The following DOCK2 variants were observed in gnomAD, a reference collection of about 807,000 sequenced individuals.
The protein encoded by DOCK2 is dedicator of cytokinesis 2.
In DOCK2, 87 loss-of-function variants were observed where a neutral mutation model predicts 248.9. That is an observed-to-expected ratio of 0.35 (90% CI 0.29 to 0.42). The LOEUF (loss-of-function observed/expected upper bound fraction) is 0.42. Ranked by LOEUF, DOCK2 falls within the 10% of genes least tolerant of loss-of-function variation. The pLI is 1.00. For missense variants in DOCK2, 1,747 were observed against 2,300.2 expected (o/e 0.76, Z 4.92); for synonymous variants, 805 against 821.6 (o/e 0.98, Z 0.35).
chr5:169,794,130 G>A (rs1322225251), intron 25 of DOCK2, among the ~76,000 whole-genome samples: 1 of 151,930 alleles, frequency 6.6e-6, no homozygotes, highest in Non-Finnish European at 1.5e-5. Context: ...CTTTTCCCGG[G>A]AACTGGAACC....
At chr5:169,645,497 T>G (rs183446184) in intron 1 of DOCK2, among the ~76,000 whole-genome samples, 73 of 152,362 alleles carry the variant, frequency 4.8e-4, no homozygotes, top group Non-Finnish European at 3.7e-4. Context: ...TTGTTTAAGT[T>G]TCTTATAGAT....
chr5:170,001,878 T>G lies in DOCK2; in HGVS notation c.3072+5714T>G, dbSNP rs1754845614. Among the ~76,000 whole-genome samples the G allele has an allele frequency of 3.3e-5, 5 of 152,346 alleles. No homozygotes were observed. In the South Asian group the frequency reaches 1.0e-3, roughly 32 times the overall value. The stretch of plus-strand genomic sequence containing the variant: ...GAATAATGGGTGAATCTACTTTGCT[T>G]GGATGAATGGAGAAGGCTTTTGCAA... On this transcript the variant is annotated intron_variant, in intron 30 of 51. Transcript: ENST00000520908.
intron 27 of DOCK2, among the ~76,000 whole-genome samples, chr5:169,937,387 T>C: frequency 6.6e-6 from 1 of 152,226 alleles, no homozygotes; most frequent in East Asian, 1.9e-4. Context: ...CCCACATCCC[T>C]GGCCTATGAT....
At chr5:169,724,429 C>T (rs564749371) in intron 22 of DOCK2, among the ~76,000 whole-genome samples, 17 of 152,284 alleles carry the variant, frequency 1.1e-4, no homozygotes, top group African/African-American at 3.6e-4. Flanking sequence ...CAGGTGAGCT[C>T]ACACTCCTTG....
intron 46 of DOCK2, among the ~76,000 whole-genome samples, chr5:170,071,066 C>G (rs1027900261): frequency 2.6e-5 from 4 of 152,192 alleles, no homozygotes; most frequent in Admixed American, 2.0e-4. Context: ...AACCCCCAAA[C>G]GAGGTTGACC....
At chr5:169,961,993 A>AAAAAAAAAAAAAAAAAAAAG (rs1777107880) in intron 27 of DOCK2, among the ~76,000 whole-genome samples, 1 of 150,408 alleles carries the variant, frequency 6.6e-6, no homozygotes, top group Non-Finnish European at 1.5e-5. Flanking sequence ...AAAAAAAAAA[A>AAAAAAAAAAAAAAAAAAAAG]AATGGAGAAA....
At chr5:170,073,803 C>A (rs1757754847) in intron 46 of DOCK2, among the ~76,000 whole-genome samples, 1 of 152,040 alleles carries the variant, frequency 6.6e-6, no homozygotes. Flanking sequence ...GTTTTTCAAT[C>A]CTAATATTGG....
chr5:170,041,527 G>A lies in DOCK2; in HGVS notation c.3756+382G>A, dbSNP rs149074665. 2.5e-3 allele frequency among the ~76,000 whole-genome samples: 388 copies of A among 152,300 alleles called. 2 individuals carry two copies. Among genetic ancestry groups the A allele is most frequent in the African/African-American group, 9.0e-3 (374 of 41,548 alleles). ...GGGAGAGCTGGGAGCATGTTTCTTA[G>A]GGGTTCAATGTAAATATCTACAAAC... On this transcript the variant is annotated intron_variant, in intron 37 of 51. Coordinates refer to ENST00000520908, the MANE Select transcript of DOCK2 (RefSeq NM_004946.3).
intron 25 of DOCK2, among the ~76,000 whole-genome samples, chr5:169,783,135 T>C (rs568485542): frequency 3.9e-4 from 59 of 152,346 alleles, no homozygotes; most frequent in African/African-American, 1.4e-3. Flanking sequence ...AGCCAGAGGA[T>C]GTTAAAGTCA....
chr5:170,032,044 T>TCCC (rs367862288), intron 34 of DOCK2, among the ~76,000 whole-genome samples: 3 of 148,278 alleles, frequency 2.0e-5, no homozygotes, highest in African/African-American at 7.5e-5. Context: ...TTTTTTTTTT[T>TCCC]GAGACGGAGT....
In DOCK2 at chr5:169,861,403, G is replaced by T. The variant is rs191327209; in HGVS notation, c.2799+20551G>T. ...ACATCAGTACATCGTCTTTAAGAAGGTGCTCTATAGATGAGCTGGTATTAA... is the reference window on the plus strand; with the variant it reads ...ACATCAGTACATCGTCTTTAAGAAGTTGCTCTATAGATGAGCTGGTATTAA... On this transcript the variant is annotated intron_variant, in intron 27 of 51. Transcript: ENST00000520908. Among the ~76,000 whole-genome samples, 367 of 152,270 alleles carry T rather than the reference G, an allele frequency of 2.4e-3. 3 individuals are homozygous for T. Among genetic ancestry groups the T allele is most frequent in the South Asian group, 8.7e-3 (42 of 4,828 alleles).
At chr5:169,741,702 G>A (rs913123345) in intron 22 of DOCK2, among the ~76,000 whole-genome samples, 8 of 151,744 alleles carry the variant, frequency 5.3e-5, no homozygotes, top group African/African-American at 9.7e-5. Context: ...GTCCCATAGC[G>A]TCATCCCCTG....
At chr5:169,822,522 G>GGTAC (rs1768526876) in intron 26 of DOCK2, among the ~76,000 whole-genome samples, 1 of 152,042 alleles carries the variant, frequency 6.6e-6, no homozygotes, top group African/African-American at 2.4e-5. Flanking sequence ...ATGACTACTG[G>GGTAC]GTACGTAATG....
intron 27 of DOCK2, among the ~76,000 whole-genome samples, chr5:169,960,694 C>G (rs1777048904): frequency 6.6e-6 from 1 of 152,148 alleles, no homozygotes; most frequent in Non-Finnish European, 1.5e-5. Context: ...CCCCTCCTCC[C>G]ACAATCCATG....
intron 27 of DOCK2, among the ~76,000 whole-genome samples, chr5:169,850,165 A>G (rs552282688): frequency 6.6e-6 from 1 of 152,216 alleles, no homozygotes; most frequent in Non-Finnish European, 1.5e-5. Flanking sequence ...TGGACCGTTT[A>G]TGTGACCAAG....
chr5:170,015,500 A>G (rs1755490324), intron 32 of DOCK2, among the ~76,000 whole-genome samples: 1 of 152,176 alleles, frequency 6.6e-6, no homozygotes, highest in African/African-American at 2.4e-5. Flanking sequence ...TTCCAAGCCT[A>G]AGACAGAGGA....
intron 4 of DOCK2, 38 bp from the exon 5 acceptor site, chr5:169,671,040 T>TTCTAACCA: frequency 6.3e-7 from 1 of 1,579,862 alleles, no homozygotes; most frequent in South Asian, 1.1e-5. Flanking sequence ...AGCACCTGGG[T>TTCTAACCA]CTCAATTTCA....
chr5:169,996,291 C>CG (rs1279446755), intron 30 of DOCK2, 127 bp downstream of exon 30: 25 of 937,832 alleles, frequency 2.7e-5, no homozygotes, highest in South Asian at 1.1e-4. Context: ...GGGATTCCCA[C>CG]GGGGGGTTAT....
Position 169,695,793 on chromosome 5 carries a change from T to G in DOCK2, c.844-10T>G. 6.2e-7 allele frequency: 1 copy of G among 1,612,744 alleles called. No individual in the cohort carries two copies. Among genetic ancestry groups the G allele is most frequent in the Non-Finnish European group, 8.5e-7 (1 of 1,179,638 alleles). On this transcript the variant is annotated splice_polypyrimidine_tract_variant and intron_variant, in intron 9 of 51. Transcript: ENST00000520908. ...ACATGATGGTCAATTTTTTGTTTCT[T>G]TCCCCCCAGGATCTTGGAAACAAAG...
Sources: gnomAD v4.1 joint callset for allele counts (sites outside exome capture counted in the v4.1 genomes callset) on GRCh38, gnomAD v4.1.1 for gene constraint, MANE v1.5 for transcripts, NCBI Gene and HGNC (gene_info 2026-07-23, HGNC 2026-07-21) for gene names.